The following DCDC1 variants were observed in gnomAD, a reference collection of about 807,000 sequenced individuals.
The protein encoded by DCDC1 is doublecortin domain-containing protein 1.
Under a neutral mutation model 178.3 loss-of-function variants are expected in DCDC1, and 200 were observed. That is an observed-to-expected ratio of 1.12 (90% CI 1.00 to 1.26). DCDC1 has a LOEUF of 1.26. DCDC1 is among the 50% of genes most tolerant of loss of function. The pLI, the probability that DCDC1 is intolerant of heterozygous loss-of-function variation, is 0.00. For synonymous variants in DCDC1, 690 were observed against 604.8 expected (o/e 1.14, Z -2.07); for missense variants, 1,983 against 1,749.2 (o/e 1.13, Z -2.38).
At chr11:30,891,414 T>A (rs907984498) in intron 36 of DCDC1, among the ~76,000 whole-genome samples, 1 of 152,194 alleles carries the variant, frequency 6.6e-6, no homozygotes, top group Non-Finnish European at 1.5e-5. Flanking sequence ...GTATTCTTCA[T>A]CAAAGTTATT....
intron 9 of DCDC1, among the ~76,000 whole-genome samples, chr11:31,157,490 A>G (rs1320223901): frequency 6.6e-6 from 1 of 150,668 alleles, no homozygotes; most frequent in African/African-American, 2.4e-5. Context: ...TGTGTGTGCA[A>G]TGGAATATTA....
intron 10 of DCDC1, among the ~76,000 whole-genome samples, chr11:31,132,166 A>G (rs1272204026): frequency 1.3e-5 from 2 of 152,248 alleles, no homozygotes; most frequent in African/African-American, 4.8e-5. Context: ...CTCTCAAGGT[A>G]TCTAGCAAAG....
At chr11:31,134,881 A>G (rs1962928180) in intron 10 of DCDC1, among the ~76,000 whole-genome samples, 1 of 152,198 alleles carries the variant, frequency 6.6e-6, no homozygotes. Context: ...CTAAAGTCCC[A>G]GCTACTCAGG....
At chr11:30,903,374 C>A in intron 32 of DCDC1, 108 bp downstream of exon 32, 1 of 1,137,778 alleles carries the variant, frequency 8.8e-7, no homozygotes. Flanking sequence ...AAGTAGCTTC[C>A]TATGATTTTG....
At chr11:31,026,147 A>C (rs1408413768) in intron 20 of DCDC1, among the ~76,000 whole-genome samples, 1 of 151,864 alleles carries the variant, frequency 6.6e-6, no homozygotes. Flanking sequence ...TTTATCTTTA[A>C]AAGGAAGCAT....
intron 3 of DCDC1, among the ~76,000 whole-genome samples, chr11:31,321,717 C>T (rs1017021492): frequency 6.6e-6 from 1 of 152,184 alleles, no homozygotes; most frequent in Admixed American, 6.5e-5. Flanking sequence ...GTTCACTCAG[C>T]TAATCTATAC....
At chr11:30,908,688 A>G (rs2134160299) in intron 29 of DCDC1, among the ~76,000 whole-genome samples, 1 of 152,278 alleles carries the variant, frequency 6.6e-6, no homozygotes, top group African/African-American at 2.4e-5. Context: ...TAGTCTCTCT[A>G]CTTTAGAATA....
chr11:31,271,543 C>A lies in DCDC1; in HGVS notation c.961-5943G>T, dbSNP rs565958156. ...TTCCTTTCTTCCCATTCATTCTCAG[C>A]CTGTTCCAGTTTGGCTTTTTTACCA... On this transcript the variant is annotated intron_variant, in intron 7 of 38. Coordinates refer to ENST00000684477, the MANE Select transcript of DCDC1 (RefSeq NM_001387274.1). 3.9e-5 allele frequency among the ~76,000 whole-genome samples: 6 copies of A among 152,304 alleles called. No homozygotes were observed. In the South Asian group the frequency reaches 1.2e-3, roughly 32 times the overall value.
rs1354883588 is a variant in DCDC1, at chr11:30,863,737, A to G, written c.*1636T>C. ...GAGAAGTCCAGATTACGTATCCCCC[A>G]CACCTTAAAGATTATGGAAATGAGA... On this transcript the variant is annotated 3_prime_UTR_variant, in exon 39 of 39. Coordinates refer to ENST00000684477, the MANE Select transcript of DCDC1 (RefSeq NM_001387274.1). The G allele has an allele frequency of 6.6e-6, 1 of 152,216 alleles. No homozygotes were observed. The highest frequency in any genetic ancestry group is 1.5e-5 in the Non-Finnish European group (1 of 68,034). The allele number at this position is 152,216 out of a possible 1,614,324, so 9.4% of individuals were successfully genotyped here.
intron 6 of DCDC1, among the ~76,000 whole-genome samples, chr11:31,294,106 G>A (rs775368196): frequency 2.2e-4 from 33 of 152,164 alleles, no homozygotes; most frequent in Non-Finnish European, 4.0e-4. Context: ...ACTGTAAGGA[G>A]GACAGAGCTG....
At chr11:31,329,861 C>T (rs1193837352) in intron 2 of DCDC1, among the ~76,000 whole-genome samples, 11 of 152,270 alleles carry the variant, frequency 7.2e-5, no homozygotes, top group South Asian at 4.1e-4. Flanking sequence ...AATAAACATA[C>T]GTGTACATGT....
intron 9 of DCDC1, among the ~76,000 whole-genome samples, chr11:31,208,580 A>G (rs1012643861): frequency 6.6e-6 from 1 of 152,096 alleles, no homozygotes. Context: ...TGTCACCTCC[A>G]TGCTTAAAAC....
At chr11:31,104,448 C>T (rs1039535797) in intron 13 of DCDC1, among the ~76,000 whole-genome samples, 2 of 151,930 alleles carry the variant, frequency 1.3e-5, no homozygotes, top group African/African-American at 4.8e-5. Flanking sequence ...GAATGTGGGA[C>T]ATTCTACAAG....
At chr11:31,055,291 C>T (rs1285152594) in intron 20 of DCDC1, among the ~76,000 whole-genome samples, 1 of 152,142 alleles carries the variant, frequency 6.6e-6, no homozygotes, top group African/African-American at 2.4e-5. Flanking sequence ...GCAATACCAC[C>T]TTACTCCTGC....
intron 7 of DCDC1, among the ~76,000 whole-genome samples, chr11:31,282,850 CA>C (rs1946545988): frequency 6.6e-6 from 1 of 151,890 alleles, no homozygotes; most frequent in Non-Finnish European, 1.5e-5. Flanking sequence ...ATAAGATAAC[CA>C]GTTTTTTCTT....
chr11:31,014,269 C>A (rs1952351351), intron 20 of DCDC1, among the ~76,000 whole-genome samples: 1 of 151,306 alleles, frequency 6.6e-6, no homozygotes, highest in Non-Finnish European at 1.5e-5. Context: ...TTCTTTCTCT[C>A]TTTTTCATCA....
intron 23 of DCDC1, among the ~76,000 whole-genome samples, chr11:30,923,837 GA>G (rs1946423385): frequency 6.6e-6 from 1 of 151,948 alleles, no homozygotes; most frequent in Non-Finnish European, 1.5e-5. Flanking sequence ...GGGTAGTCTT[GA>G]ACTCTTAAGC....
chr11:31,351,759 A>G (rs1388870471), intron 1 of DCDC1, among the ~76,000 whole-genome samples: 2 of 152,174 alleles, frequency 1.3e-5, no homozygotes, highest in Non-Finnish European at 2.9e-5. Context: ...AATGCAGCAC[A>G]TGACCTTGGA....
At chr11:30,885,263 GAT>G (rs1272069637) in intron 36 of DCDC1, among the ~76,000 whole-genome samples, 1 of 150,952 alleles carries the variant, frequency 6.6e-6, no homozygotes, top group Non-Finnish European at 1.5e-5. Flanking sequence ...GGAAAAGTAA[GAT>G]AAAAACACAA....
Sources: allele counts gnomAD v4.1 joint callset (sites outside exome capture counted in the v4.1 genomes callset), GRCh38; gene constraint gnomAD v4.1.1; transcripts MANE v1.5; gene names NCBI Gene and HGNC (gene_info 2026-07-23, HGNC 2026-07-21).